KCNT2: variants seen among roughly 807,000 people sequenced by gnomAD.
KCNT2 encodes potassium channel subfamily T member 2.
KCNT2 carries 67 observed loss-of-function variants against 153.8 expected under a neutral mutation model. The ratio of observed to expected loss-of-function variants is 0.44; its 90% CI spans 0.36 to 0.53. The LOEUF is 0.53. KCNT2 is among the 20% of genes least tolerant of loss of function. The pLI is 0.00. For missense variants in KCNT2, 975 were observed against 1,354.8 expected (o/e 0.72, Z 4.40); for synonymous variants, 500 against 458.8 (o/e 1.09, Z -1.15).
chr1:196,541,246 T>G (rs1435757341), intron 1 of KCNT2, among the ~76,000 whole-genome samples: 2 of 152,010 alleles, frequency 1.3e-5, no homozygotes, highest in Non-Finnish European at 2.9e-5. Context: ...TAAATATGTT[T>G]TAAATCAATA....
intron 1 of KCNT2, among the ~76,000 whole-genome samples, chr1:196,597,654 T>C (rs1291991700): frequency 2.0e-5 from 3 of 152,186 alleles, no homozygotes; most frequent in Admixed American, 6.6e-5. Flanking sequence ...ATCATGCCCT[T>C]ATCTTTGCTC....
At chr1:196,279,514 C>G (rs777581164) in intron 25 of KCNT2, among the ~76,000 whole-genome samples, 4 of 151,942 alleles carry the variant, frequency 2.6e-5, no homozygotes, top group Non-Finnish European at 4.4e-5. Flanking sequence ...CCTCCGACTC[C>G]CAGGTTCAAG....
chr1:196,383,431 A>G (rs1572244998), intron 13 of KCNT2, among the ~76,000 whole-genome samples: 1 of 152,316 alleles, frequency 6.6e-6, no homozygotes, highest in Non-Finnish European at 1.5e-5. Context: ...TGCTGTATTT[A>G]TCATGTTGTA....
chr1:196,438,212 G>T (rs1674898860), intron 8 of KCNT2, among the ~76,000 whole-genome samples: 1 of 151,600 alleles, frequency 6.6e-6, no homozygotes, highest in South Asian at 2.1e-4. Flanking sequence ...TAATAAAAAT[G>T]AATCAAATAT....
chr1:196,291,446 T>C (rs893209766), intron 22 of KCNT2, among the ~76,000 whole-genome samples: 3 of 152,092 alleles, frequency 2.0e-5, no homozygotes, highest in African/African-American at 7.2e-5. Flanking sequence ...TAAAAATACA[T>C]TACACAATTA....
chr1:196,563,686 C>T (rs1417459134), intron 1 of KCNT2, among the ~76,000 whole-genome samples: 1 of 151,862 alleles, frequency 6.6e-6, no homozygotes, highest in African/African-American at 2.4e-5. Flanking sequence ...CGGTATTTAT[C>T]CATTTAACGC....
At position 196,376,414 on chromosome 1, in the gene KCNT2, G is replaced by A. The variant is rs146903604; in HGVS notation, c.1295-3166C>T. On this transcript the variant is annotated intron_variant, in intron 13 of 27. Coordinates refer to ENST00000294725, the MANE Select transcript of KCNT2 (RefSeq NM_198503.5). ...ATTTATACTAAGTAGAAAAAATAAA[G>A]GGTTAAATAGCTTCATGGCAGTTCA... is the stretch of plus-strand genomic sequence containing the variant. 2.0e-5 allele frequency among the ~76,000 whole-genome samples: 3 copies of A among 151,848 alleles called. No homozygotes were observed. In the East Asian group the frequency reaches 5.8e-4, roughly 29 times the overall value.
intron 20 of KCNT2, 54 bp downstream of exon 20, chr1:196,319,430 T>C: frequency 8.0e-7 from 1 of 1,255,294 alleles, no homozygotes. Context: ...GCACAGCACA[T>C]GACAAACCAC....
At chr1:196,496,962 T>G (rs1003374977) in intron 1 of KCNT2, among the ~76,000 whole-genome samples, 13 of 152,194 alleles carry the variant, frequency 8.5e-5, no homozygotes, top group African/African-American at 3.1e-4. Flanking sequence ...TCAACAATAT[T>G]ATAACAAAAC....
At chr1:196,460,555 T>G (rs1237467631) in intron 8 of KCNT2, among the ~76,000 whole-genome samples, 1 of 151,722 alleles carries the variant, frequency 6.6e-6, no homozygotes, top group Non-Finnish European at 1.5e-5. Context: ...TTTGCGCTCA[T>G]GAATTATAAA....
chr1:196,362,229 A>G (rs941313940), intron 14 of KCNT2, among the ~76,000 whole-genome samples: 8 of 151,984 alleles, frequency 5.3e-5, no homozygotes, highest in Admixed American at 3.9e-4. Flanking sequence ...GGCTTCTGTG[A>G]GGAGTTTAGG....
intron 19 of KCNT2, among the ~76,000 whole-genome samples, chr1:196,325,910 T>A (rs1177061978): frequency 6.6e-6 from 1 of 152,126 alleles, no homozygotes; most frequent in African/African-American, 2.4e-5. Flanking sequence ...AAAACTTTGA[T>A]AATTTTGAAA....
chr1:196,506,093 G>T (rs1180616731), intron 1 of KCNT2, among the ~76,000 whole-genome samples: 1 of 152,058 alleles, frequency 6.6e-6, no homozygotes, highest in Non-Finnish European at 1.5e-5. Context: ...ATATGTTGCG[G>T]AAAATATGTT....
At chr1:196,375,614 T>C (rs908120725) in intron 13 of KCNT2, among the ~76,000 whole-genome samples, 2 of 151,726 alleles carry the variant, frequency 1.3e-5, no homozygotes, top group Non-Finnish European at 3.0e-5. Flanking sequence ...ATGCTTTTTA[T>C]TATTATTTCC....
At chr1:196,548,406 A>G (rs2148890545) in intron 1 of KCNT2, among the ~76,000 whole-genome samples, 1 of 152,222 alleles carries the variant, frequency 6.6e-6, no homozygotes, top group East Asian at 1.9e-4. Context: ...CACATGAAAA[A>G]ATGCTCATCA....
intron 1 of KCNT2, among the ~76,000 whole-genome samples, chr1:196,567,906 A>G (rs969981547): frequency 6.6e-6 from 1 of 152,220 alleles, no homozygotes; most frequent in Non-Finnish European, 1.5e-5. Flanking sequence ...CTTTAGCATT[A>G]GGTTTCAATT....
intron 12 of KCNT2, among the ~76,000 whole-genome samples, chr1:196,404,735 C>T (rs901679821): frequency 3.3e-5 from 5 of 151,562 alleles, no homozygotes; most frequent in Non-Finnish European, 7.4e-5. Context: ...AGTTGGTCCT[C>T]CCTAAACTAT....
At chr1:196,307,621 T>A (rs1208785243) in intron 21 of KCNT2, among the ~76,000 whole-genome samples, 1 of 152,144 alleles carries the variant, frequency 6.6e-6, no homozygotes, top group Non-Finnish European at 1.5e-5. Flanking sequence ...TTCATGTTTG[T>A]GCATTTGAGA....
At chr1:196,352,596 T>C (rs1666819794) in intron 14 of KCNT2, among the ~76,000 whole-genome samples, 1 of 152,178 alleles carries the variant, frequency 6.6e-6, no homozygotes, top group Non-Finnish European at 1.5e-5. Flanking sequence ...TCTTCTCTCT[T>C]TTTTTCTTTA....
Sources: gnomAD v4.1 joint callset for allele counts (sites outside exome capture counted in the v4.1 genomes callset) on GRCh38, gnomAD v4.1.1 for gene constraint, MANE v1.5 for transcripts, NCBI Gene and HGNC (gene_info 2026-07-23, HGNC 2026-07-21) for gene names.